Variants in ADGRB3 observed in about 807,000 individuals in gnomAD.
The protein encoded by ADGRB3 is brain-specific angiogenesis inhibitor 3.
A neutral mutation model predicts 193.4 loss-of-function variants in ADGRB3; 37 were observed. The ratio of observed to expected loss-of-function variants is 0.19; its 90% CI spans 0.15 to 0.25. The LOEUF (loss-of-function observed/expected upper bound fraction) is 0.25. Ranked by LOEUF, ADGRB3 falls within the 10% of genes least tolerant of loss-of-function variation. The pLI, the probability that ADGRB3 is intolerant of heterozygous loss-of-function variation, is 1.00. For missense variants in ADGRB3, 1,637 were observed against 1,852.9 expected (o/e 0.88, Z 2.14); for synonymous variants, 690 against 644.2 (o/e 1.07, Z -1.08).
chr6:69,107,877 CTT>C (rs1251513121), intron 17 of ADGRB3, among the ~76,000 whole-genome samples: 2 of 151,964 alleles, frequency 1.3e-5, no homozygotes, highest in African/African-American at 4.8e-5. Flanking sequence ...ACAGTAGACA[CTT>C]GAGACTACTA....
At chr6:69,019,108 A>G (rs1271378633) in intron 13 of ADGRB3, among the ~76,000 whole-genome samples, 3 of 152,034 alleles carry the variant, frequency 2.0e-5, no homozygotes, top group Non-Finnish European at 4.4e-5. Flanking sequence ...TATTAACCAA[A>G]TGACACACTT....
At chr6:68,766,245 C>G (rs1405627384) in intron 3 of ADGRB3, among the ~76,000 whole-genome samples, 1 of 151,774 alleles carries the variant, frequency 6.6e-6, no homozygotes, top group Non-Finnish European at 1.5e-5. Flanking sequence ...TAGCTTATTT[C>G]ATTGAATGCT....
intron 3 of ADGRB3, among the ~76,000 whole-genome samples, chr6:68,843,053 A>AC (rs199962770): frequency 0.24 from 36,709 of 150,164 alleles, 5,009 homozygotes; most frequent in East Asian, 0.58. Context: ...TACAACAACA[A>AC]AAAAAAAAAC....
At chr6:69,257,954 G>C (rs1270389282) in intron 20 of ADGRB3, among the ~76,000 whole-genome samples, 1 of 152,180 alleles carries the variant, frequency 6.6e-6, no homozygotes, top group East Asian at 1.9e-4. Flanking sequence ...TTATCCTATA[G>C]TGGAGATTGT....
At chr6:68,814,433 A>G (rs1191153950) in intron 3 of ADGRB3, among the ~76,000 whole-genome samples, 1 of 151,680 alleles carries the variant, frequency 6.6e-6, no homozygotes, top group African/African-American at 2.4e-5. Flanking sequence ...ATTTGTTTGT[A>G]GATTCTGGAT....
Position 68,930,675 on chromosome 6 carries a change from A to T in ADGRB3, c.868+6A>T. 3 of 1,554,790 alleles carry T rather than the reference A, an allele frequency of 1.9e-6. No homozygotes were observed. The Admixed American group carries it at 5.2e-5, about 27-fold the overall frequency. ...TAAATTTATGGCACAAACTGGTAAT[A>T]CGTTAGTTACATTTTTCTATTTATT... is the stretch of plus-strand genomic sequence containing the variant. On this transcript the variant is annotated splice_donor_region_variant and intron_variant, in intron 4 of 31. Transcript: ENST00000370598.
At chr6:69,301,352 C>T (rs1407074768) in intron 20 of ADGRB3, among the ~76,000 whole-genome samples, 1 of 151,782 alleles carries the variant, frequency 6.6e-6, no homozygotes, top group African/African-American at 2.4e-5. Context: ...AACTGTATTA[C>T]CTACTGTGCT....
In ADGRB3 at chr6:68,754,908, T is replaced by C. The variant is rs116840187; in HGVS notation, c.757+115476T>C. 4.2e-3 allele frequency among the ~76,000 whole-genome samples: 636 copies of C among 152,270 alleles called. 6 individuals are homozygous for C. Among genetic ancestry groups the C allele is most frequent in the African/African-American group, 0.015 (606 of 41,576 alleles). On this transcript the variant is annotated intron_variant, in intron 3 of 31. Coordinates refer to ENST00000370598, the MANE Select transcript of ADGRB3 (RefSeq NM_001704.3). The stretch of plus-strand genomic sequence containing the variant: ...TCTTGAGCAAGGACACTCAGCCAGA[T>C]GGACAAGCAATACTGTTGTTAGAGG...
chr6:68,987,182 A>C (rs1015292640), intron 10 of ADGRB3, among the ~76,000 whole-genome samples: 9 of 152,174 alleles, frequency 5.9e-5, no homozygotes, highest in African/African-American at 2.2e-4. Context: ...AAAAGGAAAT[A>C]TGAAAATTAC....
chr6:69,336,061 T>G (rs2127317407), intron 24 of ADGRB3, among the ~76,000 whole-genome samples: 1 of 152,142 alleles, frequency 6.6e-6, no homozygotes, highest in Admixed American at 6.5e-5. Flanking sequence ...TTTTTTCTTT[T>G]TAACTTTTAA....
chr6:68,696,591 A>T (rs1329499500), intron 3 of ADGRB3, among the ~76,000 whole-genome samples: 1 of 151,900 alleles, frequency 6.6e-6, no homozygotes, highest in Non-Finnish European at 1.5e-5. Context: ...TAGGACATTT[A>T]CATTTATAAT....
chr6:68,733,750 A>T (rs1454621982), intron 3 of ADGRB3, among the ~76,000 whole-genome samples: 1 of 151,954 alleles, frequency 6.6e-6, no homozygotes, highest in Non-Finnish European at 1.5e-5. Context: ...CAATAGGGTG[A>T]CTATAGTCAA....
At chr6:68,945,958 A>C (rs1439498421) in intron 6 of ADGRB3, among the ~76,000 whole-genome samples, 1 of 152,082 alleles carries the variant, frequency 6.6e-6, no homozygotes, top group Non-Finnish European at 1.5e-5. Flanking sequence ...GCTTTCTTTC[A>C]TGTAGGTCCT....
At chr6:68,681,439 C>G (rs1341754048) in intron 3 of ADGRB3, among the ~76,000 whole-genome samples, 1 of 152,094 alleles carries the variant, frequency 6.6e-6, no homozygotes, top group African/African-American at 2.4e-5. Context: ...GCCACCACAT[C>G]TGGCCAATCT....
At position 69,005,642 on chromosome 6, in the gene ADGRB3, A is replaced by G. The variant is rs559733049; in HGVS notation, c.1930-8396A>G. On this transcript the variant is annotated intron_variant, in intron 11 of 31. Coordinates refer to ENST00000370598, the MANE Select transcript of ADGRB3 (RefSeq NM_001704.3). ...TGAGTATTAGGATATATTAGTTTCA[A>G]TTATCTGTTCTCACATTCCTTTTGG... is the stretch of plus-strand genomic sequence containing the variant. Among the ~76,000 whole-genome samples the G allele has an allele frequency of 1.3e-4, 20 of 152,256 alleles. No individual in the cohort carries two copies. The East Asian group carries it at 3.7e-3, about 28-fold the overall frequency.
intron 17 of ADGRB3, among the ~76,000 whole-genome samples, chr6:69,200,940 A>G (rs1300256957): frequency 1.3e-5 from 2 of 152,258 alleles, no homozygotes; most frequent in East Asian, 3.9e-4. Flanking sequence ...ATCATTATTA[A>G]TTTATTAAAG....
chr6:69,290,284 G>A (rs1405759512), intron 20 of ADGRB3, among the ~76,000 whole-genome samples: 7 of 152,150 alleles, frequency 4.6e-5, no homozygotes, highest in Admixed American at 4.6e-4. Flanking sequence ...GCTAAGAATA[G>A]CAAGGTTAAT....
At chr6:69,111,459 C>A (rs1243092274) in intron 17 of ADGRB3, among the ~76,000 whole-genome samples, 1 of 152,194 alleles carries the variant, frequency 6.6e-6, no homozygotes, top group African/African-American at 2.4e-5. Flanking sequence ...TGTTTGCTGC[C>A]TGTCATTATT....
intron 24 of ADGRB3, among the ~76,000 whole-genome samples, chr6:69,338,683 T>A (rs750498809): frequency 7.9e-5 from 12 of 152,186 alleles, no homozygotes; most frequent in Non-Finnish European, 1.8e-4. Context: ...GGGCCACTTA[T>A]GGTGTAATGA....
Sources: gnomAD v4.1 joint callset for allele counts (sites outside exome capture counted in the v4.1 genomes callset) on GRCh38, gnomAD v4.1.1 for gene constraint, MANE v1.5 for transcripts, NCBI Gene and HGNC (gene_info 2026-07-23, HGNC 2026-07-21) for gene names.